Variants in SETD4 observed in about 807,000 individuals in gnomAD.
SETD4 encodes SET domain containing 4, also known as SET domain-containing protein 4.
A neutral mutation model predicts 58.3 loss-of-function variants in SETD4; 46 were observed. The observed-to-expected ratio is 0.79, with a 90% CI of 0.62 to 1.01. SETD4 has a LOEUF of 1.01. Ranked by LOEUF, SETD4 falls within the 50% of genes least tolerant of loss-of-function variation. The pLI is 0.00. For synonymous variants in SETD4, 190 were observed against 202.6 expected, an observed-to-expected ratio of 0.94 and a Z score of 0.53; for missense variants, 490 against 523.3, an observed-to-expected ratio of 0.94 and a Z score of 0.62.
intron 9 of SETD4, among the ~76,000 whole-genome samples, chr21:36,039,307 A>G (rs1400010227): frequency 2.0e-5 from 3 of 152,180 alleles, no homozygotes; most frequent in African/African-American, 7.2e-5. Context: ...TGAGGCAGAA[A>G]GAACTGAAAC....
chr21:36,045,741 G>A lies in SETD4; in HGVS notation c.567C>T (p.Asp189=), dbSNP rs1320999485. Residue 189 remains aspartate (D), a synonymous_variant, in exon 6 of 12, where the codon GAC becomes GAT. Coordinates refer to ENST00000332131, the MANE Select transcript of SETD4 (RefSeq NM_017438.5). ...GCAGGGCACTGTAGCTGAAGATGCT[G>A]TCAACAGCCTCCGCAAACAGAGGCT... The part of the protein sequence containing the change: ...SLQPLFAEAV[D]SIFSYSALLW... The A allele has an allele frequency of 4.3e-6, 7 of 1,614,200 alleles. No homozygotes were observed. Among genetic ancestry groups the A allele is most frequent in the South Asian group, 1.1e-5 (1 of 91,084 alleles).
At chr21:36,055,910 G>T (rs2064962813) in intron 3 of SETD4, among the ~76,000 whole-genome samples, 1 of 152,114 alleles carries the variant, frequency 6.6e-6, no homozygotes, top group Non-Finnish European at 1.5e-5. Flanking sequence ...ATGTGGGCAG[G>T]CCTTAGACAC....
At chr21:36,039,005 G>C (rs1431445648) in intron 9 of SETD4, among the ~76,000 whole-genome samples, 1 of 152,140 alleles carries the variant, frequency 6.6e-6, no homozygotes, top group African/African-American at 2.4e-5. Flanking sequence ...TGGCTTCGAA[G>C]GGGAGGAAAG....
intron 9 of SETD4, among the ~76,000 whole-genome samples, chr21:36,038,723 C>T (rs2063899841): frequency 6.6e-6 from 1 of 152,142 alleles, no homozygotes; most frequent in Non-Finnish European, 1.5e-5. Flanking sequence ...ATTCACAAAG[C>T]CAAATGCTCC....
Position 36,034,589 on chromosome 21 carries a change from G to A in SETD4, c.*1404C>T, listed in dbSNP as rs1237041859. ...TTCAAGGGGCTGTCCGTTTTGAAAG[G>A]TGAAAAGGAATTAACATATTTAGGT... On this transcript the variant is annotated 3_prime_UTR_variant, in exon 12 of 12. Coordinates refer to ENST00000332131, the MANE Select transcript of SETD4 (RefSeq NM_017438.5). 1 of 152,248 alleles carries A rather than the reference G, an allele frequency of 6.6e-6. No homozygotes were observed. Among genetic ancestry groups the A allele is most frequent in the African/African-American group, 2.4e-5 (1 of 41,442 alleles). 9.4% of individuals were successfully genotyped at this position (152,248 alleles called of 1,614,324 possible). A position where few individuals can be genotyped will look rare whatever the true frequency, so the allele number is the denominator to read the frequency against.
chr21:36,049,574 T>C (rs11088331), intron 4 of SETD4, among the ~76,000 whole-genome samples: 56,558 of 151,928 alleles, frequency 0.37, 10,567 homozygotes, highest in Admixed American at 0.41. Context: ...AAAAAAAATC[T>C]CAGCCAAAAA....
chr21:36,038,042 G>A (rs2063865796), intron 10 of SETD4, 108 bp downstream of exon 10: 2 of 1,205,836 alleles, frequency 1.7e-6, no homozygotes, highest in South Asian at 3.2e-5. Context: ...TTTATTTAAG[G>A]CACTAAACAA....
Position 36,042,029 on chromosome 21 carries a change from T to G in SETD4, c.902-141A>C, listed in dbSNP as rs754681668. 3 of 530,302 alleles carry G rather than the reference T, an allele frequency of 5.7e-6. No homozygotes were observed. The South Asian group carries it at 6.5e-5, about 11-fold the overall frequency. The allele number at this position is 530,302 out of a possible 1,614,324, so 32.8% of individuals were successfully genotyped here. A position where few individuals can be genotyped will look rare whatever the true frequency, so the allele number is the denominator to read the frequency against. ...TTCCACCTAATTCACACAAAGGAAATCTACTCTTCAAGTCCAATTCAGTCA... is the reference window on the plus strand; with the variant it reads ...TTCCACCTAATTCACACAAAGGAAAGCTACTCTTCAAGTCCAATTCAGTCA... On this transcript the variant is annotated intron_variant, in intron 7 of 11. Transcript: ENST00000332131.
intron 10 of SETD4, 139 bp from the exon 11 acceptor site, chr21:36,036,390 A>G: frequency 1.1e-6 from 1 of 888,630 alleles, no homozygotes; most frequent in Non-Finnish European, 1.6e-6. Context: ...ATCCACTGCC[A>G]CTCTCCAGCT....
In SETD4 at chr21:36,035,949, T is replaced by C; in HGVS notation, c.*44A>G. On this transcript the variant is annotated 3_prime_UTR_variant, in exon 12 of 12. Transcript: ENST00000332131. ...AGCCCATGATGATGCTCTTCAAAAT[T>C]AACTTTTGTTTCTGTAGGAAAAGCA... 2.2e-6 allele frequency: 2 copies of C among 926,220 alleles called. No homozygotes were observed. Among genetic ancestry groups the C allele is most frequent in the Non-Finnish European group, 3.3e-6 (2 of 609,538 alleles). The allele number at this position is 926,220 out of a possible 1,614,324, so 57.4% of individuals were successfully genotyped here. A position where few individuals can be genotyped will look rare whatever the true frequency, so the allele number is the denominator to read the frequency against.
At chr21:36,057,045 G>T in intron 3 of SETD4, 64 bp downstream of exon 3, 1 of 1,268,346 alleles carries the variant, frequency 7.9e-7, no homozygotes, top group Non-Finnish European at 1.2e-6. Context: ...CTGCAAGAGT[G>T]GCCCCTGCTG....
chr21:36,041,716 AG>A, intron 8 of SETD4, 90 bp downstream of exon 8: 1 of 813,008 alleles, frequency 1.2e-6, no homozygotes, highest in Non-Finnish European at 2.0e-6. Context: ...CAGGGTCAGG[AG>A]GGGTCTCACC....
At chr21:36,050,099 C>G in intron 4 of SETD4, 1 of 646,816 alleles carries the variant, frequency 1.5e-6, no homozygotes, top group South Asian at 1.9e-5. Context: ...GGGACAGAAG[C>G]CCCTGTGCTC....
At position 36,050,724 on chromosome 21, in the gene SETD4, T is replaced by C. The variant is rs1343876813; in HGVS notation, c.208-2328A>G. On this transcript the variant is annotated intron_variant, in intron 4 of 11. Coordinates refer to ENST00000332131, the MANE Select transcript of SETD4 (RefSeq NM_017438.5). ...GGGTCATAGAGGTAAAGCTGTTTTC[T>C]TGGCTCGAGATAAGCACCATTTGGC... is the stretch of plus-strand genomic sequence containing the variant. 8 of 1,612,662 alleles carry C rather than the reference T, an allele frequency of 5.0e-6. No individual in the cohort carries two copies. The East Asian group carries it at 1.3e-4, about 27-fold the overall frequency.
At chr21:36,042,976 A>C (rs2064135607) in intron 7 of SETD4, 1 of 152,116 alleles carries the variant, frequency 6.6e-6, no homozygotes, top group South Asian at 2.1e-4. Flanking sequence ...GTAATAATAA[A>C]ACCAGGCCAG....
chr21:36,047,682 TTAC>T lies in SETD4; in HGVS notation c.296+623_296+625del, dbSNP rs2064398552. ...CTATTAAAAACCTTAGAAATGCCATTTACAGTGAATTAAGAACAAACTTTCTGG... is the reference window on the plus strand; with the variant it reads ...CTATTAAAAACCTTAGAAATGCCATTAGTGAATTAAGAACAAACTTTCTGG... On this transcript the variant is annotated intron_variant, in intron 5 of 11. Transcript: ENST00000332131. Among the ~76,000 whole-genome samples the T allele has an allele frequency of 4.0e-5, 6 of 151,648 alleles. No individual in the cohort carries two copies. In the South Asian group the frequency reaches 1.3e-3, roughly 32 times the overall value.
At chr21:36,051,223 C>A in intron 4 of SETD4, 1 of 1,606,148 alleles carries the variant, frequency 6.2e-7, no homozygotes, top group African/African-American at 1.3e-5. Context: ...CTGGGTCCCC[C>A]AGCCAGCACT....
chr21:36,044,087 T>A, intron 6 of SETD4, 131 bp from the exon 7 acceptor site: 2 of 1,121,706 alleles, frequency 1.8e-6, no homozygotes, highest in Non-Finnish European at 1.2e-6. Context: ...TAACTACGCA[T>A]AGGGAAAATG....
chr21:36,037,034 G>T (rs993866537), intron 10 of SETD4, among the ~76,000 whole-genome samples: 2 of 152,046 alleles, frequency 1.3e-5, no homozygotes, highest in Non-Finnish European at 2.9e-5. Context: ...GGTTGGAGAG[G>T]GATTAGGGAG....
Sources: gnomAD v4.1 joint callset for allele counts (sites outside exome capture counted in the v4.1 genomes callset) on GRCh38, gnomAD v4.1.1 for gene constraint, MANE v1.5 for transcripts, NCBI Gene and HGNC (gene_info 2026-07-23, HGNC 2026-07-21) for gene names.